Variants in CD36 observed in about 807,000 individuals in gnomAD.
CD36 encodes CD36 molecule (CD36 blood group), also known as platelet glycoprotein 4.
Under a neutral mutation model 55.2 loss-of-function variants are expected in CD36, and 119 were observed. The ratio of observed to expected loss-of-function variants is 2.15; its 90% CI spans 1.86 to 2.51. CD36 has a LOEUF of 2.51. CD36 is among the 30% of genes most tolerant of loss of function. The probability of loss-of-function intolerance (pLI) is 0.00; values close to 1 mark genes in which losing one functional copy is unlikely to be tolerated. For missense variants in CD36, 819 were observed against 555.5 expected, an observed-to-expected ratio of 1.47 and a Z score of -4.77; for synonymous variants, 186 against 193.6, an observed-to-expected ratio of 0.96 and a Z score of 0.33.
intron 1 of CD36, among the ~76,000 whole-genome samples, chr7:80,611,787 G>T (rs1167293630): frequency 1.3e-5 from 2 of 152,202 alleles, no homozygotes; most frequent in Admixed American, 1.3e-4. Flanking sequence ...TAATCTTGGA[G>T]GAGGGAAGAC....
In CD36 at chr7:80,674,123, A is replaced by C. The variant is rs376632451; in HGVS notation, c.1395A>C (p.Ala465=). 92 of 1,611,998 alleles carry C rather than the reference A, an allele frequency of 5.7e-5. No homozygotes were observed. Among genetic ancestry groups the C allele is most frequent in the East Asian group, 3.6e-4 (16 of 44,688 alleles). ...TTGCTTTTATGATTTCATATTGTGC[A>C]TGCAGATCGAAAACAATAAAATAAG... ...MFVAFMISYC[A]CRSKTIK The change falls in exon 14 of 15, where the codon GCA becomes GCC. Residue 465 remains alanine, a synonymous_variant. Coordinates refer to ENST00000447544, the MANE Select transcript of CD36 (RefSeq NM_001001548.3).
At chr7:80,609,909 A>G (rs893816672) in intron 1 of CD36, among the ~76,000 whole-genome samples, 1 of 152,194 alleles carries the variant, frequency 6.6e-6, no homozygotes, top group Non-Finnish European at 1.5e-5. Context: ...GGTTACAAGT[A>G]TGATCACCCA....
intron 3 of CD36, among the ~76,000 whole-genome samples, chr7:80,653,567 C>T (rs3847100): frequency 5.3e-4 from 81 of 152,268 alleles, no homozygotes; most frequent in African/African-American, 1.9e-3. Context: ...TGCTTAGAGT[C>T]AGGGACAAAT....
intron 1 of CD36, among the ~76,000 whole-genome samples, chr7:80,620,525 A>G (rs1293578564): frequency 1.3e-5 from 2 of 152,130 alleles, no homozygotes; most frequent in East Asian, 3.9e-4. Context: ...CTTCCCTGGC[A>G]TGTCACCCTC....
At chr7:80,648,480 C>A (rs146962779) in intron 3 of CD36, among the ~76,000 whole-genome samples, 1 of 151,878 alleles carries the variant, frequency 6.6e-6, no homozygotes, top group African/African-American at 2.4e-5. Flanking sequence ...CATGTAGATT[C>A]TTTTGAATAG....
At chr7:80,630,739 G>A (rs774912018) in intron 1 of CD36, among the ~76,000 whole-genome samples, 14 of 151,996 alleles carry the variant, frequency 9.2e-5, no homozygotes, top group Admixed American at 7.9e-4. Context: ...AACAGGCCTA[G>A]CAATGATCTT....
intron 8 of CD36, among the ~76,000 whole-genome samples, chr7:80,668,922 A>G (rs1039002253): frequency 6.6e-6 from 1 of 152,222 alleles, no homozygotes; most frequent in African/African-American, 2.4e-5. Context: ...TCATATATCC[A>G]ATGTTTGCCA....
At chr7:80,645,868 T>A (rs1264169949) in intron 1 of CD36, among the ~76,000 whole-genome samples, 1 of 152,122 alleles carries the variant, frequency 6.6e-6, no homozygotes, top group African/African-American at 2.4e-5. Context: ...CTGTAGTCTA[T>A]CCAAAGTCAT....
At chr7:80,662,365 TC>T in intron 5 of CD36, 1 of 203,976 alleles carries the variant, frequency 4.9e-6, no homozygotes. Context: ...CTCCTCATCC[TC>T]CCCAACCTGG....
chr7:80,632,676 G>A (rs1220096424), intron 1 of CD36, among the ~76,000 whole-genome samples: 1 of 151,550 alleles, frequency 6.6e-6, no homozygotes, highest in African/African-American at 2.4e-5. Context: ...AATTTTTTAT[G>A]GTTTAAACAA....
chr7:80,617,305 A>C (rs1011113197), intron 1 of CD36, among the ~76,000 whole-genome samples: 1 of 152,138 alleles, frequency 6.6e-6, no homozygotes, highest in Non-Finnish European at 1.5e-5. Context: ...GGGTGACGAA[A>C]TAATCTATAG....
intron 1 of CD36, among the ~76,000 whole-genome samples, chr7:80,642,275 GAAT>G (rs1794870823): frequency 6.6e-6 from 1 of 151,978 alleles, no homozygotes; most frequent in Admixed American, 6.6e-5. Context: ...AATTAGTAAA[GAAT>G]AAAATTTAAT....
chr7:80,602,933 GA>G (rs1231468906), intron 1 of CD36, among the ~76,000 whole-genome samples: 1 of 152,030 alleles, frequency 6.6e-6, no homozygotes. Context: ...ATATATTTAA[GA>G]AATAACCTAA....
chr7:80,666,539 C>A, intron 8 of CD36, 50 bp downstream of exon 8: 1 of 1,340,746 alleles, frequency 7.5e-7, no homozygotes, highest in Non-Finnish European at 1.1e-6. Context: ...CTCCCTTTCC[C>A]ACAAATCCAC....
intron 3 of CD36, among the ~76,000 whole-genome samples, chr7:80,651,334 A>G (rs975879425): frequency 1.3e-5 from 2 of 152,102 alleles, no homozygotes; most frequent in Admixed American, 1.3e-4. Context: ...CCAAACCTCC[A>G]TGACACACAA....
At chr7:80,673,851 C>A in intron 13 of CD36, 132 bp from the exon 14 acceptor site, 1 of 723,826 alleles carries the variant, frequency 1.4e-6, no homozygotes, top group Non-Finnish European at 2.4e-6. Flanking sequence ...AAAGGAATTC[C>A]ATTAACTTGC....
intron 1 of CD36, among the ~76,000 whole-genome samples, chr7:80,624,722 T>C (rs899413844): frequency 6.6e-6 from 1 of 151,956 alleles, no homozygotes; most frequent in Non-Finnish European, 1.5e-5. Flanking sequence ...CTACCAAAAA[T>C]ACAGTAATAC....
intron 1 of CD36, among the ~76,000 whole-genome samples, chr7:80,631,035 A>G (rs2116094098): frequency 1.3e-5 from 2 of 152,148 alleles, no homozygotes; most frequent in Admixed American, 1.3e-4. Flanking sequence ...GGCTCCAAAA[A>G]CCAACAAAAC....
intron 8 of CD36, among the ~76,000 whole-genome samples, chr7:80,668,856 A>G (rs991441338): frequency 1.3e-5 from 2 of 152,178 alleles, no homozygotes; most frequent in Admixed American, 6.5e-5. Flanking sequence ...TCATTCAATG[A>G]CGGCTCGTAT....
Sources: gnomAD v4.1 joint callset for allele counts (sites outside exome capture counted in the v4.1 genomes callset) on GRCh38, gnomAD v4.1.1 for gene constraint, MANE v1.5 for transcripts, NCBI Gene and HGNC (gene_info 2026-07-23, HGNC 2026-07-21) for gene names.